CNBD1: variants seen among roughly 807,000 people sequenced by gnomAD.
CNBD1 encodes the protein cyclic nucleotide binding domain containing 1, also known as cyclic nucleotide-binding domain-containing protein 1.
In CNBD1, 71 loss-of-function variants were observed where a neutral mutation model predicts 54.4. That is an observed-to-expected ratio of 1.30 (90% CI 1.08 to 1.59). The LOEUF is 1.59. Ranked by LOEUF, CNBD1 falls within the 40% of genes most tolerant of loss-of-function variation. CNBD1 has a pLI of 0.00. For synonymous variants in CNBD1, 182 were observed against 170.7 expected (o/e 1.07, Z -0.51); for missense variants, 659 against 518.0 (o/e 1.27, Z -2.64).
At position 87,357,480 on chromosome 8, in the gene CNBD1, T is replaced by C. The variant is rs550653523; in HGVS notation, c.1303+3694T>C. Among the ~76,000 whole-genome samples the C allele has an allele frequency of 3.3e-5, 5 of 152,300 alleles. No individual in the cohort carries two copies. The South Asian group carries it at 1.0e-3, about 32-fold the overall frequency. On this transcript the variant is annotated intron_variant, in intron 10 of 10. Transcript: ENST00000518476. ...GAGTCAACAGAGACGATTTTGGAGCTTTAAAATTTTAATACCTGCTCTTCT... is the reference window on the plus strand; with the variant it reads ...GAGTCAACAGAGACGATTTTGGAGCCTTAAAATTTTAATACCTGCTCTTCT...
At chr8:87,066,649 A>G (rs1257659869) in intron 4 of CNBD1, among the ~76,000 whole-genome samples, 1 of 151,924 alleles carries the variant, frequency 6.6e-6, no homozygotes, top group Non-Finnish European at 1.5e-5. Context: ...TCTTTATACA[A>G]TTCCAGATAG....
At chr8:87,411,038 A>G (rs1437097259) in intron 2 of CNBD1, among the ~76,000 whole-genome samples, 5 of 151,992 alleles carry the variant, frequency 3.3e-5, no homozygotes, top group Admixed American at 1.3e-4. Flanking sequence ...CATAACTTTT[A>G]TATGCTTTGG....
chr8:87,234,962 T>G (rs1158836530), intron 5 of CNBD1, among the ~76,000 whole-genome samples: 2 of 152,230 alleles, frequency 1.3e-5, no homozygotes, highest in African/African-American at 4.8e-5. Context: ...GCTAGTGTTC[T>G]GGATAACTTG....
intron 6 of CNBD1, among the ~76,000 whole-genome samples, chr8:87,238,417 CA>C (rs946464176): frequency 2.0e-5 from 3 of 152,006 alleles, no homozygotes; most frequent in African/African-American, 7.2e-5. Context: ...GAAACAGACC[CA>C]AACCAAAACT....
chr8:87,072,207 C>G (rs1810772464), intron 4 of CNBD1, among the ~76,000 whole-genome samples: 1 of 151,912 alleles, frequency 6.6e-6, no homozygotes, highest in Non-Finnish European at 1.5e-5. Context: ...TGTGTCTTTG[C>G]GTGTAAGATG....
intron 4 of CNBD1, among the ~76,000 whole-genome samples, chr8:87,018,469 A>G (rs1257156718): frequency 6.6e-6 from 1 of 152,196 alleles, no homozygotes; most frequent in South Asian, 2.1e-4. Context: ...TTAAGTACAA[A>G]TTAAATCATT....
At chr8:86,905,746 G>A (rs567671903) in intron 3 of CNBD1, among the ~76,000 whole-genome samples, 2 of 152,264 alleles carry the variant, frequency 1.3e-5, no homozygotes, top group Non-Finnish European at 2.9e-5. Context: ...AAAGGATGAA[G>A]GTAGATTGCC....
chr8:87,297,935 TC>T (rs1260348232), intron 8 of CNBD1, among the ~76,000 whole-genome samples: 1 of 151,714 alleles, frequency 6.6e-6, no homozygotes, highest in Non-Finnish European at 1.5e-5. Flanking sequence ...AATTCTATAT[TC>T]TATATATTCT....
At chr8:86,951,104 T>C (rs1807606805) in intron 4 of CNBD1, among the ~76,000 whole-genome samples, 1 of 152,316 alleles carries the variant, frequency 6.6e-6, no homozygotes, top group Non-Finnish European at 1.5e-5. Flanking sequence ...TACAGTAAAT[T>C]CTTGTTTTTA....
chr8:86,936,427 A>C (rs1157195774), intron 3 of CNBD1, among the ~76,000 whole-genome samples: 2 of 152,150 alleles, frequency 1.3e-5, no homozygotes, highest in African/African-American at 2.4e-5. Context: ...GAACATGTAG[A>C]ATTTGTTTGG....
chr8:87,223,202 C>G (rs1185973132), intron 5 of CNBD1, among the ~76,000 whole-genome samples: 1 of 145,422 alleles, frequency 6.9e-6, no homozygotes, highest in Non-Finnish European at 1.5e-5. Flanking sequence ...CACCTTTTTG[C>G]TTTTTGGCTG....
intron 4 of CNBD1, among the ~76,000 whole-genome samples, chr8:87,193,791 A>T (rs1813658571): frequency 6.6e-6 from 1 of 152,212 alleles, no homozygotes; most frequent in South Asian, 2.1e-4. Context: ...ATGTCTTAAA[A>T]CTAAGTGTAA....
chr8:87,010,603 G>C lies in CNBD1; in HGVS notation c.431+70849G>C, dbSNP rs1006125815. Among the ~76,000 whole-genome samples the C allele has an allele frequency of 1.6e-4, 24 of 151,950 alleles. 2 individuals are homozygous for C. Among genetic ancestry groups the C allele is most frequent in the Admixed American group, 1.5e-3 (23 of 15,258 alleles). ...TCTCTACTAAAAATACAAAAATCCA[G>C]GCCTGATGGTACATGCCTGTAATCC... On this transcript the variant is annotated intron_variant, in intron 4 of 10. Coordinates refer to ENST00000518476, the MANE Select transcript of CNBD1 (RefSeq NM_173538.3).
chr8:87,206,815 T>C (rs1230306326), intron 5 of CNBD1, among the ~76,000 whole-genome samples: 3 of 152,132 alleles, frequency 2.0e-5, no homozygotes, highest in Non-Finnish European at 2.9e-5. Context: ...AAGGAAGATA[T>C]TGCTATTATT....
At chr8:86,920,378 G>C (rs908361145) in intron 3 of CNBD1, among the ~76,000 whole-genome samples, 1 of 152,124 alleles carries the variant, frequency 6.6e-6, no homozygotes, top group Admixed American at 6.5e-5. Flanking sequence ...TTCCAGGCTT[G>C]TAACTTAACC....
chr8:86,975,904 CT>C (rs1460982380), intron 4 of CNBD1, among the ~76,000 whole-genome samples: 1 of 151,836 alleles, frequency 6.6e-6, no homozygotes, highest in Non-Finnish European at 1.5e-5. Context: ...TATCTTTTTT[CT>C]TTTTGATAAT....
intron 4 of CNBD1, among the ~76,000 whole-genome samples, chr8:87,083,588 T>TC (rs1811040411): frequency 6.9e-6 from 1 of 144,966 alleles, no homozygotes; most frequent in South Asian, 2.3e-4. Context: ...TGTATTTCTT[T>TC]TTTTTTTTTT....
At chr8:86,915,724 T>G (rs1348809867) in intron 3 of CNBD1, among the ~76,000 whole-genome samples, 1 of 152,224 alleles carries the variant, frequency 6.6e-6, no homozygotes, top group Non-Finnish European at 1.5e-5. Context: ...AGATGAGTAC[T>G]GGAATCCAGC....
At chr8:87,354,219 A>G (rs1810372316) in intron 10 of CNBD1, among the ~76,000 whole-genome samples, 1 of 152,068 alleles carries the variant, frequency 6.6e-6, no homozygotes, top group South Asian at 2.1e-4. Flanking sequence ...CCTTAGGATA[A>G]TGGTATAGTA....
Sources: allele counts gnomAD v4.1 joint callset (sites outside exome capture counted in the v4.1 genomes callset), GRCh38; gene constraint gnomAD v4.1.1; transcripts MANE v1.5; gene names NCBI Gene and HGNC (gene_info 2026-07-23, HGNC 2026-07-21).